KCNC4: variants seen among roughly 807,000 people sequenced by gnomAD.
KCNC4 encodes voltage-gated potassium channel KCNC4.
A neutral mutation model predicts 42.8 loss-of-function variants in KCNC4; 23 were observed. The ratio of observed to expected loss-of-function variants is 0.54; its 90% confidence interval spans 0.39 to 0.76. KCNC4 has a LOEUF of 0.76. Among genes scored for constraint, KCNC4 ranks in the 30% least tolerant of loss-of-function variants. The probability of loss-of-function intolerance (pLI) is 0.00; values close to 1 mark genes in which losing one functional copy is unlikely to be tolerated. For synonymous variants in KCNC4, 422 were observed against 393.5 expected (o/e 1.07, Z -0.86); for missense variants, 751 against 898.2 (o/e 0.84, Z 2.10).
downstream of KCNC4, chr1:110,236,601 C>T (rs1658913356): frequency 6.6e-6 from 1 of 152,192 alleles, no homozygotes; most frequent in Non-Finnish European, 1.5e-5. Flanking sequence ...GGAGGAATGT[C>T]CTCTTGGGAT....
At position 110,211,260 on chromosome 1, in the gene KCNC4, G is replaced by T. The variant is rs1009833583; in HGVS notation, c.-240G>T. 13 of 558,792 alleles carry T rather than the reference G, an allele frequency of 2.3e-5. No individual in the cohort carries two copies. The highest frequency in any genetic ancestry group is 2.2e-5 in the Non-Finnish European group (7 of 320,126). The allele number at this position is 558,792 out of a possible 1,614,324, so 34.6% of individuals were successfully genotyped here. On this transcript the variant is annotated 5_prime_UTR_variant, in exon 1 of 4. Transcript: ENST00000438661. This position sits in a 1 kb window ranked among gnomAD's most constrained non-coding sequence, Gnocchi z 6.5. ...ACTTCCCCGGGTCCTCCCTCTCTGC[G>T]CCTCCCTCTCTCCGGAGCTTCCTGC...
intron 1 of KCNC4, among the ~76,000 whole-genome samples, chr1:110,268,968 G>C (rs942943036): frequency 6.6e-6 from 1 of 151,974 alleles, no homozygotes; most frequent in Non-Finnish European, 1.5e-5. Flanking sequence ...CGCCCGCCTC[G>C]GCCTCCCAAA....
intron 1 of KCNC4, among the ~76,000 whole-genome samples, chr1:110,257,124 G>A (rs1659345361): frequency 1.3e-5 from 2 of 152,188 alleles, no homozygotes; most frequent in Non-Finnish European, 2.9e-5. Context: ...CTTGATCCAA[G>A]TTATTTTTAG....
intron 1 of KCNC4, among the ~76,000 whole-genome samples, chr1:110,212,522 A>C (rs964709798): frequency 5.3e-5 from 8 of 150,680 alleles, no homozygotes; most frequent in African/African-American, 2.0e-4. Context: ...GCTGCCCTCC[A>C]CTCCACACAG....
At chr1:110,269,970 G>A (rs1287401169) in intron 1 of KCNC4, among the ~76,000 whole-genome samples, 1 of 152,186 alleles carries the variant, frequency 6.6e-6, no homozygotes, top group Admixed American at 6.5e-5. Flanking sequence ...CAGGAAATGG[G>A]ATTTGTTTAT....
At chr1:110,217,038 A>G (rs1451950938) in intron 1 of KCNC4, among the ~76,000 whole-genome samples, 1 of 152,188 alleles carries the variant, frequency 6.6e-6, no homozygotes, top group Non-Finnish European at 1.5e-5. Flanking sequence ...GAAAACACTT[A>G]CTGCGTACTT....
At chr1:110,219,175 A>G (rs2101001395) in intron 1 of KCNC4, among the ~76,000 whole-genome samples, 1 of 152,316 alleles carries the variant, frequency 6.6e-6, no homozygotes, top group African/African-American at 2.4e-5. Flanking sequence ...TAACTTTCTC[A>G]GTCTCCGTTT....
downstream of KCNC4, chr1:110,237,173 C>T (rs1335062857): frequency 2.6e-5 from 4 of 152,032 alleles, no homozygotes; most frequent in African/African-American, 9.7e-5. Flanking sequence ...AAAAATTAGC[C>T]AGGTGTGATG....
chr1:110,261,139 A>G (rs2101075945), intron 1 of KCNC4, among the ~76,000 whole-genome samples: 1 of 145,422 alleles, frequency 6.9e-6, no homozygotes, highest in Non-Finnish European at 1.5e-5. Flanking sequence ...GCTTGAAGTC[A>G]TTACAATGCT....
intron 3 of KCNC4, among the ~76,000 whole-genome samples, chr1:110,228,243 A>C (rs941592524): frequency 3.9e-5 from 6 of 152,138 alleles, no homozygotes; most frequent in African/African-American, 1.4e-4. Flanking sequence ...GGTGCTAATT[A>C]GGGCTTCTTA....
chr1:110,228,785 C>T, intron 3 of KCNC4: 1 of 152,880 alleles, frequency 6.5e-6, no homozygotes, highest in African/African-American at 2.4e-5. Flanking sequence ...ACGCGGGCAG[C>T]AGGAGGGAGC....
chr1:110,282,400 G>A (rs962447405), intron 1 of KCNC4: 3 of 152,224 alleles, frequency 2.0e-5, no homozygotes, highest in South Asian at 2.1e-4. Context: ...AGGGAGGAGC[G>A]AGGCTCTTAC....
chr1:110,254,311 G>T (rs1306653396), intron 1 of KCNC4, among the ~76,000 whole-genome samples: 1 of 152,188 alleles, frequency 6.6e-6, no homozygotes, highest in Non-Finnish European at 1.5e-5. Flanking sequence ...AAGCCAACCA[G>T]CCAGCCACAG....
At chr1:110,242,321 T>G (rs1177548095) in exon 4 of KCNC4, 1 of 152,228 alleles carries the variant, frequency 6.6e-6, no homozygotes, top group Non-Finnish European at 1.5e-5. Context: ...ATTAGTGGTG[T>G]TCTGTGAGCC....
chr1:110,259,561 T>C (rs12082334), intron 1 of KCNC4, among the ~76,000 whole-genome samples: 3,959 of 152,262 alleles, frequency 0.026, 165 homozygotes, highest in African/African-American at 0.087. Flanking sequence ...GGGAAGGGTA[T>C]GTGTGCCTGC....
chr1:110,245,536 C>T (rs1355744141), exon 4 of KCNC4: 1 of 152,172 alleles, frequency 6.6e-6, no homozygotes, highest in Admixed American at 6.5e-5. Flanking sequence ...TTATCCTGCA[C>T]GTGGTGATTG....
Position 110,223,656 on chromosome 1 carries a change from A to C in KCNC4, c.1371A>C (p.Ala457=), listed in dbSNP as rs1319032405. The stretch of plus-strand genomic sequence containing the variant: ...GCATGCTGGTAGGGGCACTGTGTGC[A>C]CTGGCTGGCGTGCTCACCATCGCCA... ...WSGMLVGALC[A]LAGVLTIAMP... Residue 457 remains alanine, a synonymous_variant, in exon 2 of 4, where the codon GCA becomes GCC. Transcript: ENST00000438661. The surrounding 1 kb of genome is among the most constrained non-coding windows in gnomAD (Gnocchi z 7.5). The C allele has an allele frequency of 1.2e-5, 19 of 1,613,948 alleles. No individual in the cohort carries two copies. The highest frequency in any genetic ancestry group is 1.7e-5 in the Admixed American group (1 of 60,016).
downstream of KCNC4, among the ~76,000 whole-genome samples, chr1:110,250,856 A>G (rs1212204260): frequency 6.6e-6 from 1 of 152,164 alleles, no homozygotes; most frequent in Non-Finnish European, 1.5e-5. Flanking sequence ...GGCCAAGCCC[A>G]TCAGGTGGAG....
intron 1 of KCNC4, among the ~76,000 whole-genome samples, chr1:110,258,229 G>A (rs1659369131): frequency 6.6e-6 from 1 of 152,122 alleles, no homozygotes; most frequent in Non-Finnish European, 1.5e-5. Context: ...GATTTATGAA[G>A]GGTTTTTGTT....
Sources: allele counts gnomAD v4.1 joint callset (sites outside exome capture counted in the v4.1 genomes callset), GRCh38; gene constraint gnomAD v4.1.1; non-coding constraint Gnocchi (gnomAD v3.1); transcripts MANE v1.5; gene names NCBI Gene and HGNC (gene_info 2026-07-23, HGNC 2026-07-21).